Variants in PLXNA2 observed in about 807,000 individuals in gnomAD.
The protein encoded by PLXNA2 is plexin-A2.
Under a neutral mutation model 193.5 loss-of-function variants are expected in PLXNA2, and 91 were observed. That is an observed-to-expected ratio of 0.47 (90% CI 0.40 to 0.56). The LOEUF (loss-of-function observed/expected upper bound fraction) is 0.56, where lower values mean the gene tolerates loss of function less well. Among genes scored for constraint, PLXNA2 ranks in the 20% least tolerant of loss-of-function variants. PLXNA2 has a pLI of 0.00. For missense variants in PLXNA2, 1,995 were observed against 2,503.2 expected (o/e 0.80, Z 4.33); for synonymous variants, 997 against 1,027.3 (o/e 0.97, Z 0.56).
At chr1:208,141,586 G>A (rs1217384399) in intron 4 of PLXNA2, among the ~76,000 whole-genome samples, 5 of 152,118 alleles carry the variant, frequency 3.3e-5, no homozygotes, top group Non-Finnish European at 7.4e-5. Flanking sequence ...CCCACTGACC[G>A]AGTGAATGGA....
At chr1:208,088,238 G>T (rs1571902412) in intron 9 of PLXNA2, among the ~76,000 whole-genome samples, 1 of 152,332 alleles carries the variant, frequency 6.6e-6, no homozygotes, top group East Asian at 1.9e-4. Context: ...GGAGAGCAGG[G>T]ACCTGGTTTA....
Position 208,028,798 on chromosome 1 carries a change from G to A in PLXNA2, c.5438+32C>T. 6.3e-7 allele frequency: 1 copy of A among 1,588,256 alleles called. No individual in the cohort carries two copies. The highest frequency in any genetic ancestry group is 8.6e-7 in the Non-Finnish European group (1 of 1,160,392). ...GAGCGGGGAATGGGCAGGGAGACAA[G>A]GGCATGGGCCTGTCCTGAGGGTGCT... On this transcript the variant is annotated intron_variant, in intron 30 of 31. Coordinates refer to ENST00000367033, the MANE Select transcript of PLXNA2 (RefSeq NM_025179.4). The surrounding 1 kb of genome is among the most constrained non-coding windows in gnomAD (Gnocchi z 4.2).
At chr1:208,196,351 A>C (rs1005850970) in intron 3 of PLXNA2, among the ~76,000 whole-genome samples, 1 of 152,244 alleles carries the variant, frequency 6.6e-6, no homozygotes, top group Non-Finnish European at 1.5e-5. Flanking sequence ...CAAAAAACAA[A>C]AAAAAAACCA....
chr1:208,064,961 G>C (rs1304938502), intron 12 of PLXNA2, among the ~76,000 whole-genome samples: 3 of 152,076 alleles, frequency 2.0e-5, no homozygotes, highest in Non-Finnish European at 4.4e-5. Context: ...ACCCAGGGTT[G>C]CATTCCACAA....
At chr1:208,036,275 A>G (rs1189496729) in intron 26 of PLXNA2, among the ~76,000 whole-genome samples, 2 of 152,342 alleles carry the variant, frequency 1.3e-5, no homozygotes, top group East Asian at 3.9e-4. Context: ...TTACATTATC[A>G]TTTATAGTTT....
chr1:208,192,381 T>A (rs1213576068), intron 3 of PLXNA2, among the ~76,000 whole-genome samples: 1 of 152,100 alleles, frequency 6.6e-6, no homozygotes, highest in Non-Finnish European at 1.5e-5. Flanking sequence ...GTATGCCTAT[T>A]ACCCAGGGTA....
intron 3 of PLXNA2, among the ~76,000 whole-genome samples, chr1:208,175,007 C>A (rs1038953114): frequency 6.6e-6 from 1 of 152,194 alleles, no homozygotes; most frequent in African/African-American, 2.4e-5. Flanking sequence ...TCTGGGGGAG[C>A]TGGGACAGGT....
intron 12 of PLXNA2, among the ~76,000 whole-genome samples, chr1:208,072,042 C>T (rs916891227): frequency 2.0e-5 from 3 of 152,158 alleles, no homozygotes; most frequent in Non-Finnish European, 4.4e-5. Context: ...AGAACAGGAG[C>T]CAGCAGGAGT....
intron 2 of PLXNA2, among the ~76,000 whole-genome samples, chr1:208,211,925 G>T (rs1476596307): frequency 6.6e-6 from 1 of 152,214 alleles, no homozygotes; most frequent in Non-Finnish European, 1.5e-5. Context: ...GGCTGCTGAG[G>T]GGTTTGCATT....
intron 29 of PLXNA2, chr1:208,029,911 ACT>A: frequency 1.0e-6 from 1 of 984,890 alleles, no homozygotes; most frequent in Non-Finnish European, 1.2e-6. Context: ...AACTCTTTTG[ACT>A]CCTCTGTGGA....
At chr1:208,111,498 G>A (rs1438810126) in intron 4 of PLXNA2, among the ~76,000 whole-genome samples, 1 of 151,916 alleles carries the variant, frequency 6.6e-6, no homozygotes, top group Non-Finnish European at 1.5e-5. Context: ...GGTAGTGGCC[G>A]CAGCAGAAGT....
At position 208,028,220 on chromosome 1, in the gene PLXNA2, C is replaced by A. The variant is rs367574051; in HGVS notation, c.5439-61G>T. On this transcript the variant is annotated intron_variant, in intron 30 of 31. Coordinates refer to ENST00000367033, the MANE Select transcript of PLXNA2 (RefSeq NM_025179.4). This position sits in a 1 kb window ranked among gnomAD's most constrained non-coding sequence, Gnocchi z 4.2. ...TCAGCAAACATTTACCTATAGCTACCCCGGGCCCAGGTCCTTCGAGGGCAC... is the reference window on the plus strand; with the variant it reads ...TCAGCAAACATTTACCTATAGCTACACCGGGCCCAGGTCCTTCGAGGGCAC... 1 of 1,506,534 alleles carries A rather than the reference C, an allele frequency of 6.6e-7. No individual in the cohort carries two copies. Among genetic ancestry groups the A allele is most frequent in the Non-Finnish European group, 8.9e-7 (1 of 1,117,672 alleles). The allele number at this position is 1,506,534 out of a possible 1,614,324, so 93.3% of individuals were successfully genotyped here.
At chr1:208,185,757 C>A (rs1254854600) in intron 3 of PLXNA2, among the ~76,000 whole-genome samples, 1 of 138,296 alleles carries the variant, frequency 7.2e-6, no homozygotes. Context: ...GAGCTATTGT[C>A]TTAAGAGAGT....
chr1:208,075,777 G>A (rs1316969374), intron 12 of PLXNA2, among the ~76,000 whole-genome samples: 1 of 152,006 alleles, frequency 6.6e-6, no homozygotes, highest in East Asian at 1.9e-4. Flanking sequence ...ATAGGGTCTT[G>A]GCCAGGCATG....
intron 4 of PLXNA2, among the ~76,000 whole-genome samples, chr1:208,141,548 C>T (rs1371009601): frequency 6.6e-6 from 1 of 152,100 alleles, no homozygotes; most frequent in Admixed American, 6.5e-5. Context: ...TGACAAGACC[C>T]CTGCTGCTGC....
At chr1:208,051,173 G>A (rs931021248) in intron 16 of PLXNA2, 71 bp from the exon 17 acceptor site, 1 of 1,592,470 alleles carries the variant, frequency 6.3e-7, no homozygotes, top group Non-Finnish European at 8.6e-7. Flanking sequence ...TCCACCTTAG[G>A]GATCCCTCTC....
At chr1:208,084,836 G>A (rs1257124690) in intron 9 of PLXNA2, among the ~76,000 whole-genome samples, 1 of 152,216 alleles carries the variant, frequency 6.6e-6, no homozygotes, top group African/African-American at 2.4e-5. Flanking sequence ...GCACAGTGTG[G>A]CAAGCTGTGG....
chr1:208,133,466 TAGA>T (rs753800121), intron 4 of PLXNA2, among the ~76,000 whole-genome samples: 3 of 152,340 alleles, frequency 2.0e-5, no homozygotes, highest in South Asian at 2.1e-4. Flanking sequence ...CAGCCCTATT[TAGA>T]AGGAGACTTT....
At chr1:208,088,698 T>C (rs1385242209) in intron 9 of PLXNA2, among the ~76,000 whole-genome samples, 1 of 152,272 alleles carries the variant, frequency 6.6e-6, no homozygotes, top group African/African-American at 2.4e-5. Flanking sequence ...AATGGTTTAA[T>C]TGAAAGTCAG....
Sources: allele counts gnomAD v4.1 joint callset (sites outside exome capture counted in the v4.1 genomes callset), GRCh38; gene constraint gnomAD v4.1.1; non-coding constraint Gnocchi (gnomAD v3.1); transcripts MANE v1.5; gene names NCBI Gene and HGNC (gene_info 2026-07-23, HGNC 2026-07-21).